ZFP90: variants seen among roughly 807,000 people sequenced by gnomAD.
ZFP90 encodes ZFP90 zinc finger protein.
In ZFP90, 38 loss-of-function variants were observed where a neutral mutation model predicts 60.8. The observed-to-expected ratio is 0.62, with a 90% CI of 0.48 to 0.82. ZFP90 has a LOEUF of 0.82. Ranked by LOEUF, ZFP90 falls within the 40% of genes least tolerant of loss-of-function variation. ZFP90 has a pLI of 0.00. For missense variants in ZFP90, 711 were observed against 759.1 expected, an observed-to-expected ratio of 0.94 and a Z score of 0.74; for synonymous variants, 287 against 264.8, an observed-to-expected ratio of 1.08 and a Z score of -0.82.
chr16:68,563,522 A>G lies in ZFP90; in HGVS notation c.735A>G (p.Gln245=). 1.9e-6 allele frequency: 3 copies of G among 1,614,254 alleles called. No homozygotes were observed. The highest frequency in any genetic ancestry group is 2.5e-6 in the Non-Finnish European group (3 of 1,180,046). ...GAGCTTTCCCTAATGGAACAGATCA[A>G]GGAATTTATCCTGGAAAGAAACACC... ...GEGAFPNGTD[Q]GIYPGKKHHE... is the part of the protein sequence containing the mutation. Residue 245 remains glutamine, a synonymous_variant, in exon 5 of 5, where the codon CAA becomes CAG. Transcript: ENST00000563169.
At chr16:68,574,429 T>C in intron 2 of ZFP90, among the ~76,000 whole-genome samples, 1 of 149,626 alleles carries the variant, frequency 6.7e-6, no homozygotes, top group East Asian at 2.0e-4. Context: ...ATACTCCCAA[T>C]AACAGTGGTC....
At position 68,548,680 on chromosome 16, in the gene ZFP90, G is replaced by C. The variant is rs573385026; in HGVS notation, c.33+8855G>C. Among the ~76,000 whole-genome samples the C allele has an allele frequency of 6.6e-5, 10 of 151,834 alleles. No homozygotes were observed. The East Asian group carries it at 1.7e-3, about 26-fold the overall frequency. ...TAATTTTGTATTTTTAGTAGAGATG[G>C]GGTTTCTCCATGTTGGTCAGGCTGG... On this transcript the variant is annotated intron_variant, in intron 2 of 4. Coordinates refer to ENST00000563169, the MANE Select transcript of ZFP90 (RefSeq NM_001305203.2).
rs952243203 is a variant in ZFP90 at position 68,565,037 on chromosome 16, A to C, written c.*339A>C. On this transcript the variant is annotated 3_prime_UTR_variant, in exon 5 of 5. Transcript: ENST00000563169. ...AATGTCAACAGCTTTTTTAAAAAGC[A>C]AATTCCTGCAGTAATGACCAAAACC... 1 of 1,018,364 alleles carries C rather than the reference A, an allele frequency of 9.8e-7. No homozygotes were observed. Among genetic ancestry groups the C allele is most frequent in the Non-Finnish European group, 1.2e-6 (1 of 851,912 alleles). 63.1% of individuals were successfully genotyped at this position (1,018,364 alleles called of 1,614,324 possible). A position where few individuals can be genotyped will look rare whatever the true frequency, so the allele number is the denominator to read the frequency against.
intron 2 of ZFP90, among the ~76,000 whole-genome samples, chr16:68,548,474 C>CTTTTTTTTT (rs551779570): frequency 1.1e-4 from 9 of 81,086 alleles, no homozygotes; most frequent in African/African-American, 3.7e-4. Flanking sequence ...GTTTATCCTC[C>CTTTTTTTTT]TTTTTTTTTT....
chr16:68,538,894 T>A (rs560521842), upstream of ZFP90, among the ~76,000 whole-genome samples: 1 of 152,316 alleles, frequency 6.6e-6, no homozygotes, highest in African/African-American at 2.4e-5. Flanking sequence ...TTGAAGAAGA[T>A]GTAAATGCCC....
rs2091539507 is a variant in ZFP90, at chr16:68,567,039, A to T, written c.*2341A>T. 3 of 985,576 alleles carry T rather than the reference A, an allele frequency of 3.0e-6. No individual in the cohort carries two copies. The highest frequency in any genetic ancestry group is 3.6e-6 in the Non-Finnish European group (3 of 829,938). The allele number at this position is 985,576 out of a possible 1,614,324, so 61.1% of individuals were successfully genotyped here. A position where few individuals can be genotyped will look rare whatever the true frequency, so the allele number is the denominator to read the frequency against. On this transcript the variant is annotated 3_prime_UTR_variant, in exon 5 of 5. Coordinates refer to ENST00000563169, the MANE Select transcript of ZFP90 (RefSeq NM_001305203.2). The stretch of plus-strand genomic sequence containing the variant: ...TTCTTAGTCCCAACAGCCATGAACC[A>T]TGCACTTATGGATACCCAGCCTTTT...
upstream of ZFP90, among the ~76,000 whole-genome samples, chr16:68,538,968 A>G (rs1242761507): frequency 2.0e-5 from 3 of 152,158 alleles, no homozygotes; most frequent in Non-Finnish European, 4.4e-5. Context: ...AGGACCTGAC[A>G]TTATCTTGTT....
intron 2 of ZFP90, among the ~76,000 whole-genome samples, chr16:68,551,936 A>G (rs2091268979): frequency 6.7e-6 from 1 of 149,252 alleles, no homozygotes; most frequent in African/African-American, 2.5e-5. Flanking sequence ...TTTTTTTTAA[A>G]TTTTTATTAG....
chr16:68,551,136 T>C (rs1331635482), intron 2 of ZFP90, among the ~76,000 whole-genome samples: 2 of 152,196 alleles, frequency 1.3e-5, no homozygotes, highest in African/African-American at 4.8e-5. Context: ...ACTGTATTTG[T>C]ACATGTCCTT....
upstream of ZFP90, among the ~76,000 whole-genome samples, chr16:68,538,016 G>A (rs1052027762): frequency 4.6e-5 from 7 of 152,034 alleles, no homozygotes; most frequent in African/African-American, 1.4e-4. Flanking sequence ...AGATTCAAGC[G>A]ATTCTCCTGC....
At position 68,564,240 on chromosome 16, in the gene ZFP90, A is replaced by G; in HGVS notation, c.1453A>G (p.Ser485Gly). 1 of 1,613,942 alleles carries G rather than the reference A, an allele frequency of 6.2e-7. No individual in the cohort carries two copies. The highest frequency in any genetic ancestry group is 8.5e-7 in the Non-Finnish European group (1 of 1,179,942). Residue 485 changes from serine (S) to glycine (G), a missense_variant, in exon 5 of 5, where the codon AGT becomes GGT. By Grantham distance (56) the Ser-to-Gly change is moderately conservative (BLOSUM62 0). Around this residue, in one of 5 missense-constraint regions of ZFP90, gnomAD observed 295 missense variants for 274.0 expected, o/e 1.08. Coordinates refer to ENST00000563169, the MANE Select transcript of ZFP90 (RefSeq NM_001305203.2). Reference protein sequence around the residue: ...ENPYDCEQAFSQQAISHPGEK... With the variant: ...ENPYDCEQAFGQQAISHPGEK... ...CCCCTATGATTGTGAGCAGGCTTTT[A>G]GTCAGCAAGCTATTTCTCATCCTGG...
chr16:68,556,033 G>A (rs973824503), intron 2 of ZFP90, among the ~76,000 whole-genome samples: 1 of 152,154 alleles, frequency 6.6e-6, no homozygotes, highest in Non-Finnish European at 1.5e-5. Context: ...AGCTAGATAT[G>A]GTGGCATATG....
downstream of ZFP90, among the ~76,000 whole-genome samples, chr16:68,567,936 C>T (rs2091546960): frequency 6.6e-6 from 1 of 152,140 alleles, no homozygotes; most frequent in South Asian, 2.1e-4. Context: ...AGTATTCTGA[C>T]TTCAAGATTG....
chr16:68,564,685 G>C lies in ZFP90; in HGVS notation c.1898G>C (p.Arg633Pro), dbSNP rs377592641. 8 of 1,605,596 alleles carry C rather than the reference G, an allele frequency of 5.0e-6. No individual in the cohort carries two copies. In the South Asian group the frequency reaches 5.6e-5, roughly 11 times the overall value. Residue 633 changes from arginine (R) to proline (P), a missense_variant, in exon 5 of 5, where the codon CGA (arginine) becomes CCA (proline). Around this residue, in one of 5 missense-constraint regions of ZFP90, gnomAD observed 295 missense variants for 274.0 expected, o/e 1.08. Transcript: ENST00000563169. ...ALTKHQRIHT[R>P]NKL ...ACTAAACACCAGAGAATTCATACTC[G>C]AAATAAACTCTAGGAACCGTGAAAT...
At position 68,564,649 on chromosome 16, in the gene ZFP90, G is replaced by T; in HGVS notation, c.1862G>T (p.Ser621Ile). ...GAATGTGGGAAAAACTTCAGCCGAA[G>T]TTCAGCTCTTACTAAACACCAGAGA... ...CKECGKNFSR[S>I]SALTKHQRIH... Residue 621 changes from serine (S) to isoleucine (I), a missense_variant, in exon 5 of 5, where the codon AGT becomes ATT. Coordinates refer to ENST00000563169, the MANE Select transcript of ZFP90 (RefSeq NM_001305203.2). 7 of 1,613,874 alleles carry T rather than the reference G, an allele frequency of 4.3e-6. No individual in the cohort carries two copies. The highest frequency in any genetic ancestry group is 4.2e-6 in the Non-Finnish European group (5 of 1,179,942).
chr16:68,547,580 A>AT (rs986893468), intron 2 of ZFP90, among the ~76,000 whole-genome samples: 1 of 151,856 alleles, frequency 6.6e-6, no homozygotes, highest in African/African-American at 2.4e-5. Context: ...CCTTATGCAT[A>AT]TTTTTCCCCT....
At position 68,564,131 on chromosome 16, in the gene ZFP90, A is replaced by G. The variant is rs2091482216; in HGVS notation, c.1344A>G (p.Lys448=). The G allele has an allele frequency of 6.2e-7, 1 of 1,614,186 alleles. No homozygotes were observed. The highest frequency in any genetic ancestry group is 1.1e-5 in the South Asian group (1 of 91,086). ...TQDESTLTEV[K]SYHCNDCGED... ...ATGAAAGCACTCTTACCGAAGTGAA[A>G]TCCTACCATTGTAATGACTGTGGGG... Residue 448 remains lysine, a synonymous_variant, in exon 5 of 5, where the codon AAA becomes AAG. Transcript: ENST00000563169.
At chr16:68,547,984 T>C (rs2091182295) in intron 2 of ZFP90, among the ~76,000 whole-genome samples, 1 of 152,028 alleles carries the variant, frequency 6.6e-6, no homozygotes, top group African/African-American at 2.4e-5. Context: ...TGTACCACCA[T>C]GTCTGGCTAG....
At position 68,566,254 on chromosome 16, in the gene ZFP90, T is replaced by C. The variant is rs2091525132; in HGVS notation, c.*1556T>C. 1 of 985,494 alleles carries C rather than the reference T, an allele frequency of 1.0e-6. No homozygotes were observed. The highest frequency in any genetic ancestry group is 1.1e-4 in the East Asian group (1 of 8,970). 61.0% of individuals were successfully genotyped at this position (985,494 alleles called of 1,614,324 possible). A position where few individuals can be genotyped will look rare whatever the true frequency, so the allele number is the denominator to read the frequency against. On this transcript the variant is annotated 3_prime_UTR_variant, in exon 5 of 5. Coordinates refer to ENST00000563169, the MANE Select transcript of ZFP90 (RefSeq NM_001305203.2). ...CCTAAAGGAACTTCCAGAACCTTTG[T>C]TGGTGTGTTGACATTGACCATGCAG... is the stretch of plus-strand genomic sequence containing the variant.
Sources: allele counts gnomAD v4.1 joint callset (sites outside exome capture counted in the v4.1 genomes callset), GRCh38; gene constraint gnomAD v4.1.1; regional missense constraint gnomAD v4.1.1; transcripts MANE v1.5; gene names NCBI Gene and HGNC (gene_info 2026-07-23, HGNC 2026-07-21).